The following TRAPPC9 variants were observed in gnomAD, a reference collection of about 807,000 sequenced individuals.
TRAPPC9 encodes the protein trafficking protein particle complex subunit 9, also known as IKK2 binding protein.
In TRAPPC9, 83 loss-of-function variants were observed where a neutral mutation model predicts 124.0. The observed-to-expected ratio is 0.67, with a 90% CI of 0.56 to 0.80. The LOEUF (loss-of-function observed/expected upper bound fraction) is 0.80, where lower values mean the gene tolerates loss of function less well. TRAPPC9 is among the 30% of genes least tolerant of loss of function. TRAPPC9 has a pLI of 0.00. For missense variants in TRAPPC9, 1,302 were observed against 1,508.3 expected, an observed-to-expected ratio of 0.86 and a Z score of 2.27; for synonymous variants, 638 against 617.5, an observed-to-expected ratio of 1.03 and a Z score of -0.49.
At chr8:140,381,419 G>C (rs1174227596) in intron 7 of TRAPPC9, among the ~76,000 whole-genome samples, 4 of 152,002 alleles carry the variant, frequency 2.6e-5, no homozygotes, top group Non-Finnish European at 5.9e-5. Flanking sequence ...TGTAATTCCA[G>C]CACTTTGGGA....
intron 17 of TRAPPC9, chr8:140,099,195 A>AG (rs2060521023): frequency 6.7e-6 from 1 of 149,620 alleles, no homozygotes; most frequent in Non-Finnish European, 1.5e-5. Context: ...AGCCTTCCGC[A>AG]GGGGAGACAC....
In TRAPPC9 at chr8:139,774,126, G is replaced by A. The variant is rs552633359; in HGVS notation, c.3056-41924C>T. On this transcript the variant is annotated intron_variant, in intron 21 of 22. Coordinates refer to ENST00000438773, the MANE Select transcript of TRAPPC9 (RefSeq NM_001160372.4). ...CATGGACGCGGGCGAAGGCCACTGG[G>A]GCGGCAAGAAGGAGGAGGCCCCACG... Among the ~76,000 whole-genome samples, 23 of 152,320 alleles carry A rather than the reference G, an allele frequency of 1.5e-4. 1 individual carries two copies. The highest frequency in any genetic ancestry group is 9.8e-4 in the Admixed American group (15 of 15,310).
chr8:139,827,630 C>A (rs138519710), intron 21 of TRAPPC9, among the ~76,000 whole-genome samples: 2 of 152,224 alleles, frequency 1.3e-5, no homozygotes, highest in African/African-American at 2.4e-5. Flanking sequence ...CGTGCCCGCA[C>A]GTGACTGATA....
intron 21 of TRAPPC9, among the ~76,000 whole-genome samples, chr8:139,872,368 G>A (rs1828986994): frequency 1.1e-5 from 1 of 92,774 alleles, no homozygotes. Context: ...GGGTTGATGG[G>A]TAAATGGTTG....
chr8:140,287,685 G>C lies in TRAPPC9; in HGVS notation c.1904C>G (p.Ser635Cys), dbSNP rs777042701. 1 of 1,614,148 alleles carries C rather than the reference G, an allele frequency of 6.2e-7. No homozygotes were observed. The highest frequency in any genetic ancestry group is 1.3e-5 in the African/African-American group (1 of 75,064). The change falls in exon 13 of 23, where the codon TCT (serine) becomes TGT (cysteine). Residue 635 changes from serine (S) to cysteine (C), a missense_variant. Ser to Cys is a moderately radical substitution (Grantham distance 112). Transcript: ENST00000438773. ...GTACAGACCAGATTCAGCCGGAAGA[G>C]AAAGCGCCGCAGGGAGAGACTCGAA... ...VEFESLPAAL[S>C]LPAESGLYPV...
At chr8:140,382,907 AC>A (rs551892966) in intron 7 of TRAPPC9, among the ~76,000 whole-genome samples, 3 of 152,086 alleles carry the variant, frequency 2.0e-5, no homozygotes, top group South Asian at 2.1e-4. Flanking sequence ...GGGGGGAGGC[AC>A]CCCCCAGTAG....
At chr8:139,997,154 A>G (rs1838053788) in intron 18 of TRAPPC9, among the ~76,000 whole-genome samples, 1 of 152,210 alleles carries the variant, frequency 6.6e-6, no homozygotes, top group South Asian at 2.1e-4. Context: ...CATCCTGCAC[A>G]GGGAAACAAT....
chr8:139,984,085 A>G lies in TRAPPC9; in HGVS notation c.2810+4641T>C, dbSNP rs1837086098. The stretch of plus-strand genomic sequence containing the variant: ...CTCTTGCACTGGGTGAGATGAGATC[A>G]CCCCTTCCTACTAGGAGGGAGGAGA... On this transcript the variant is annotated intron_variant, in intron 19 of 22. Transcript: ENST00000438773. This position sits in a 1 kb window ranked among gnomAD's most constrained non-coding sequence, Gnocchi z 4.3. Among the ~76,000 whole-genome samples the G allele has an allele frequency of 6.6e-6, 1 of 152,096 alleles. No homozygotes were observed.
Position 139,771,874 on chromosome 8 carries a change from A to G in TRAPPC9, c.3056-39672T>C, listed in dbSNP as rs556482172. On this transcript the variant is annotated intron_variant, in intron 21 of 22. Coordinates refer to ENST00000438773, the MANE Select transcript of TRAPPC9 (RefSeq NM_001160372.4). ...CTCTAGGACACAACACAGGAGCCTGACTCAGTGCCCACAGCCCTCCTGGCT... is the reference window on the plus strand; with the variant it reads ...CTCTAGGACACAACACAGGAGCCTGGCTCAGTGCCCACAGCCCTCCTGGCT... Among the ~76,000 whole-genome samples the G allele has an allele frequency of 5.3e-5, 8 of 152,236 alleles. No individual in the cohort carries two copies. The South Asian group carries it at 1.7e-3, about 32-fold the overall frequency.
rs1391523752 is a variant in TRAPPC9, at chr8:140,221,598, C to T, written c.2432-15G>A. ...ACTGATTCCATCTACAAAATAAGAA[C>T]AAAAATCATAAGTAACACGTCAGCT... On this transcript the variant is annotated splice_polypyrimidine_tract_variant and intron_variant, in intron 16 of 22. Coordinates refer to ENST00000438773, the MANE Select transcript of TRAPPC9 (RefSeq NM_001160372.4). The T allele has an allele frequency of 1.2e-6, 2 of 1,612,344 alleles. No individual in the cohort carries two copies. Among genetic ancestry groups the T allele is most frequent in the African/African-American group, 1.3e-5 (1 of 74,994 alleles).
intron 20 of TRAPPC9, among the ~76,000 whole-genome samples, chr8:139,896,268 G>A (rs949573674): frequency 1.3e-5 from 2 of 152,150 alleles, no homozygotes; most frequent in African/African-American, 2.4e-5. Flanking sequence ...GATGGGGGTG[G>A]CTACTATCTC....
In TRAPPC9 at chr8:140,360,073, A is replaced by C; in HGVS notation, c.1472T>G (p.Met491Arg). The change falls in exon 9 of 23, where the codon ATG becomes AGG. Residue 491 changes from methionine (M) to arginine (R), a missense_variant. This residue lies in a region of TRAPPC9 where 657 missense variants were observed against 811.2 expected (regional missense o/e 0.81). Coordinates refer to ENST00000438773, the MANE Select transcript of TRAPPC9 (RefSeq NM_001160372.4). ...VRHLSFLLQT[M>R]LDFLSDQEKK... ...ACCCTGATCCGACAAGAAGTCCAGC[A>C]TGGTCTGTAGAAGGAAGGACAGGTG... 1 of 1,614,210 alleles carries C rather than the reference A, an allele frequency of 6.2e-7. No homozygotes were observed. The highest frequency in any genetic ancestry group is 8.5e-7 in the Non-Finnish European group (1 of 1,180,052).
intron 19 of TRAPPC9, among the ~76,000 whole-genome samples, chr8:139,977,224 G>A (rs1223456870): frequency 6.6e-6 from 1 of 152,076 alleles, no homozygotes; most frequent in Non-Finnish European, 1.5e-5. Context: ...GGACAGGGCT[G>A]GGTAAGAGAA....
chr8:140,036,493 ATG>A (rs1217136897), intron 17 of TRAPPC9, among the ~76,000 whole-genome samples: 5 of 145,106 alleles, frequency 3.4e-5, no homozygotes, highest in African/African-American at 1.1e-4. Flanking sequence ...CCGAAAAAAA[ATG>A]AGAAGAATGC....
chr8:140,416,368 G>C (rs1049429098), intron 5 of TRAPPC9, among the ~76,000 whole-genome samples: 1 of 152,088 alleles, frequency 6.6e-6, no homozygotes, highest in Non-Finnish European at 1.5e-5. Context: ...CCCATAACAA[G>C]TAAAGTGATT....
At chr8:140,448,385 C>T (rs2071341535) in intron 2 of TRAPPC9, among the ~76,000 whole-genome samples, 1 of 152,182 alleles carries the variant, frequency 6.6e-6, no homozygotes, top group South Asian at 2.1e-4. Flanking sequence ...CTAACAAACA[C>T]TTGTCAGTCC....
intron 21 of TRAPPC9, among the ~76,000 whole-genome samples, chr8:139,832,582 G>A (rs551661216): frequency 9.8e-5 from 15 of 152,286 alleles, no homozygotes; most frequent in East Asian, 5.8e-4. Context: ...TGAACTCAGC[G>A]AGCTCTTTGC....
At chr8:139,843,179 G>A (rs1826852835) in intron 21 of TRAPPC9, among the ~76,000 whole-genome samples, 1 of 152,228 alleles carries the variant, frequency 6.6e-6, no homozygotes, top group Non-Finnish European at 1.5e-5. Flanking sequence ...GTAGGCATTT[G>A]GGCATCTGCT....
chr8:140,106,588 T>TG (rs1169392136), intron 17 of TRAPPC9, among the ~76,000 whole-genome samples: 1 of 151,900 alleles, frequency 6.6e-6, no homozygotes, highest in Non-Finnish European at 1.5e-5. Flanking sequence ...TTCTTGGTCG[T>TG]GGGGGAGCGA....
Sources: gnomAD v4.1 joint callset for allele counts (sites outside exome capture counted in the v4.1 genomes callset) on GRCh38, gnomAD v4.1.1 for gene constraint, gnomAD v4.1.1 regional missense constraint, Gnocchi (gnomAD v3.1) non-coding constraint, MANE v1.5 for transcripts, NCBI Gene and HGNC (gene_info 2026-07-23, HGNC 2026-07-21) for gene names.